The following INPP5B variants were observed in gnomAD, a reference collection of about 807,000 sequenced individuals.
INPP5B encodes type II inositol 1,4,5-trisphosphate 5-phosphatase.
INPP5B carries 90 observed loss-of-function variants against 118.5 expected under a neutral mutation model. The ratio of observed to expected loss-of-function variants is 0.76; its 90% CI spans 0.64 to 0.90. The LOEUF is 0.90. INPP5B is among the 40% of genes least tolerant of loss of function. The pLI, the probability that INPP5B is intolerant of heterozygous loss-of-function variation, is 0.00. For missense variants in INPP5B, 984 were observed against 1,125.6 expected, an observed-to-expected ratio of 0.87 and a Z score of 1.80; for synonymous variants, 385 against 418.9, an observed-to-expected ratio of 0.92 and a Z score of 0.99.
At chr1:37,918,870 G>C (rs1330953650) in intron 7 of INPP5B, among the ~76,000 whole-genome samples, 1 of 152,108 alleles carries the variant, frequency 6.6e-6, no homozygotes, top group African/African-American at 2.4e-5. Flanking sequence ...ATCCCCCACT[G>C]CTTTAATAAT....
chr1:37,898,412 T>C (rs564723823), intron 7 of INPP5B, among the ~76,000 whole-genome samples: 3 of 152,238 alleles, frequency 2.0e-5, no homozygotes, highest in Admixed American at 6.5e-5. Flanking sequence ...AGAATGAAAC[T>C]GGGCTGGGCA....
intron 7 of INPP5B, chr1:37,931,481 C>A (rs768251193): frequency 6.5e-7 from 1 of 1,533,666 alleles, no homozygotes; most frequent in South Asian, 1.2e-5. Flanking sequence ...CCCGCCTACC[C>A]TCGTCACGCA....
intron 7 of INPP5B, among the ~76,000 whole-genome samples, chr1:37,922,018 C>G (rs1645075025): frequency 6.6e-6 from 1 of 150,856 alleles, no homozygotes; most frequent in Non-Finnish European, 1.5e-5. Flanking sequence ...GGCAACAGAG[C>G]AAGACTGTCT....
In INPP5B at chr1:37,907,575, C is replaced by T. The variant is rs1003369323; in HGVS notation, c.533-16121G>A. 6.6e-6 allele frequency among the ~76,000 whole-genome samples: 1 copy of T among 152,160 alleles called. No homozygotes were observed. The highest frequency in any genetic ancestry group is 2.4e-5 in the African/African-American group (1 of 41,438). ...TGGGCTGCATTCCCAGACAGTTAGGCATTCTAAGTCACTGGATGAGATGTG... is the reference window on the plus strand; with the variant it reads ...TGGGCTGCATTCCCAGACAGTTAGGTATTCTAAGTCACTGGATGAGATGTG... On this transcript the variant is annotated intron_variant, in intron 7 of 23. Coordinates refer to ENST00000373024, the MANE Select transcript of INPP5B (RefSeq NM_005540.3). The surrounding 1 kb of genome is among the most constrained non-coding windows in gnomAD (Gnocchi z 4.3).
chr1:37,945,353 G>A (rs61776699), intron 3 of INPP5B, among the ~76,000 whole-genome samples: 17,043 of 151,682 alleles, frequency 0.11, 1,003 homozygotes, highest in Middle Eastern at 0.24. Flanking sequence ...GAATTGCTTG[G>A]ACCTGGGACG....
At chr1:37,894,297 C>T (rs1371205495) in intron 7 of INPP5B, among the ~76,000 whole-genome samples, 3 of 152,160 alleles carry the variant, frequency 2.0e-5, no homozygotes, top group African/African-American at 7.2e-5. Flanking sequence ...CTAACCTCTC[C>T]TAGGCTGGTT....
chr1:37,940,833 G>T (rs756230181), intron 5 of INPP5B, 35 bp from the exon 6 acceptor site: 37 of 1,468,002 alleles, frequency 2.5e-5, no homozygotes, highest in Non-Finnish European at 3.2e-5. Context: ...ACCCTTGGCT[G>T]CCAGGAGCTA....
Position 37,875,734 on chromosome 1 carries a change from G to C in INPP5B, c.1678-18C>G. The C allele has an allele frequency of 6.3e-7, 1 of 1,579,162 alleles. No individual in the cohort carries two copies. Among genetic ancestry groups the C allele is most frequent in the Non-Finnish European group, 8.7e-7 (1 of 1,148,280 alleles). On this transcript the variant is annotated intron_variant, in intron 16 of 23. Coordinates refer to ENST00000373024, the MANE Select transcript of INPP5B (RefSeq NM_005540.3). The stretch of plus-strand genomic sequence containing the variant: ...ACCCTCACCTGAAAGGGAAACATCA[G>C]AGACTGAGTACCTTGGCTTCTGCCC...
intron 7 of INPP5B, among the ~76,000 whole-genome samples, chr1:37,916,124 C>T (rs1271785034): frequency 6.6e-6 from 1 of 151,370 alleles, no homozygotes; most frequent in Non-Finnish European, 1.5e-5. Context: ...GATGGAGTCT[C>T]GCTCTGTCAC....
chr1:37,942,335 G>C (rs1472741744), intron 5 of INPP5B: 2 of 151,720 alleles, frequency 1.3e-5, no homozygotes, highest in East Asian at 3.9e-4. Flanking sequence ...TTGGGAGGCT[G>C]AGGCAGGAGA....
chr1:37,928,345 T>C (rs937597781), intron 7 of INPP5B, among the ~76,000 whole-genome samples: 5 of 151,898 alleles, frequency 3.3e-5, no homozygotes, highest in African/African-American at 1.2e-4. Context: ...AGCTAAGTTC[T>C]GTTTTTTTGG....
chr1:37,908,598 G>A (rs1644580187), intron 7 of INPP5B, among the ~76,000 whole-genome samples: 1 of 150,320 alleles, frequency 6.7e-6, no homozygotes, highest in Non-Finnish European at 1.5e-5. Context: ...AAAAAAAAAA[G>A]AGACAAGGAG....
At position 37,898,148 on chromosome 1, in the gene INPP5B, T is replaced by G. The variant is rs2148554134; in HGVS notation, c.533-6694A>C. ...ACATGAATGAATCTTAAATGCATAT[T>G]GCTGAGTGAAGGAAGTCCATCTGAA... On this transcript the variant is annotated intron_variant, in intron 7 of 23. Transcript: ENST00000373024. Among the ~76,000 whole-genome samples, 3 of 152,348 alleles carry G rather than the reference T, an allele frequency of 2.0e-5. No individual in the cohort carries two copies. In the Middle Eastern group the frequency reaches 0.01, roughly 518 times the overall value.
At position 37,889,657 on chromosome 1, in the gene INPP5B, C is replaced by A; in HGVS notation, c.697G>T (p.Ala233Ser). ...RSSTITVSDK[A>S]HILSMQKFGL... ...AACTTCTGCATGGATAAAATATGAGCCTTGTCCGACACTGTGATAGTGGAG... is the reference window on the plus strand; with the variant it reads ...AACTTCTGCATGGATAAAATATGAGACTTGTCCGACACTGTGATAGTGGAG... The change falls in exon 9 of 24, where the codon GCT becomes TCT. Residue 233 changes from alanine (A) to serine (S), a missense_variant. This residue lies in a region of INPP5B where 350 missense variants were observed against 334.6 expected (regional missense o/e 1.05). Transcript: ENST00000373024. 6.2e-7 allele frequency: 1 copy of A among 1,613,784 alleles called. No homozygotes were observed. Among genetic ancestry groups the A allele is most frequent in the Non-Finnish European group, 8.5e-7 (1 of 1,179,776 alleles).
intron 8 of INPP5B, 36 bp from the exon 9 acceptor site, chr1:37,889,760 G>A: frequency 2.0e-6 from 3 of 1,497,620 alleles, no homozygotes; most frequent in African/African-American, 1.4e-5. Context: ...ATATGTGGAT[G>A]AGTCCCCATG....
At chr1:37,945,902 C>A in intron 2 of INPP5B, 52 bp from the exon 3 acceptor site, 1 of 1,523,162 alleles carries the variant, frequency 6.6e-7, no homozygotes, top group Non-Finnish European at 9.1e-7. Flanking sequence ...CTCTCCCCAC[C>A]CAGGCTGTCC....
chr1:37,921,479 T>C (rs959751974), intron 7 of INPP5B, among the ~76,000 whole-genome samples: 4 of 152,242 alleles, frequency 2.6e-5, no homozygotes, highest in Non-Finnish European at 5.9e-5. Flanking sequence ...TGTTTAGTTT[T>C]CTTTTTTCAT....
chr1:37,938,295 A>AATC (rs1553162614), intron 6 of INPP5B, among the ~76,000 whole-genome samples: 3 of 151,132 alleles, frequency 2.0e-5, no homozygotes, highest in Non-Finnish European at 3.0e-5. Context: ...ATAAATAAAT[A>AATC]AATAAATAAA....
At chr1:37,883,816 G>A (rs937579199) in intron 13 of INPP5B, 9 of 985,258 alleles carry the variant, frequency 9.1e-6, no homozygotes, top group East Asian at 1.1e-4. Context: ...GACAAGAGGC[G>A]TTAACTCTGT....
Sources: allele counts gnomAD v4.1 joint callset (sites outside exome capture counted in the v4.1 genomes callset), GRCh38; gene constraint gnomAD v4.1.1; regional missense constraint gnomAD v4.1.1; non-coding constraint Gnocchi (gnomAD v3.1); transcripts MANE v1.5; gene names NCBI Gene and HGNC (gene_info 2026-07-23, HGNC 2026-07-21).